Variants in AFF2 observed in about 807,000 individuals in gnomAD.
AFF2 encodes AF4/FMR2 family member 2.
In AFF2, 14 loss-of-function variants were observed where a neutral mutation model predicts 76.9. The ratio of observed to expected loss-of-function variants is 0.18; its 90% CI spans 0.12 to 0.28. The LOEUF (loss-of-function observed/expected upper bound fraction) is 0.28, where lower values mean the gene tolerates loss of function less well. Among genes scored for constraint, AFF2 ranks in the 10% least tolerant of loss-of-function variants. The pLI, the probability that AFF2 is intolerant of heterozygous loss-of-function variation, is 1.00. For synonymous variants in AFF2, 398 were observed against 366.7 expected (o/e 1.09, Z -0.98); for missense variants, 868 against 1,001.1 (o/e 0.87, Z 1.79).
chrX:148,751,849 C>A (rs2055504047), intron 3 of AFF2, among the ~76,000 whole-genome samples: 1 of 112,094 alleles, frequency 8.9e-6, no homozygotes, highest in African/African-American at 3.2e-5. Flanking sequence ...GTTGCTGTAA[C>A]AAAGTACCGT....
At chrX:148,692,408 A>G (rs2054663436) in intron 3 of AFF2, among the ~76,000 whole-genome samples, 1 of 112,178 alleles carries the variant, frequency 8.9e-6, no homozygotes, top group Non-Finnish European at 1.9e-5. Context: ...TTAGGACTGG[A>G]TGTATTGGTC....
intron 4 of AFF2, among the ~76,000 whole-genome samples, chrX:148,825,484 G>A (rs1053808877): frequency 2.4e-4 from 27 of 110,600 alleles, no homozygotes; most frequent in East Asian, 1.7e-3. Context: ...TTCATATTTC[G>A]ACCCTTCACA....
At chrX:148,843,053 C>A (rs2070620130) in intron 6 of AFF2, 51 bp downstream of exon 6, 1 of 1,039,702 alleles carries the variant, frequency 9.6e-7, no homozygotes, top group Admixed American at 2.7e-5. Context: ...GTCCTCTGCT[C>A]CCTCATTTTT....
intron 1 of AFF2, among the ~76,000 whole-genome samples, chrX:148,554,065 G>A (rs1328671963): frequency 8.9e-6 from 1 of 112,089 alleles, no homozygotes; most frequent in Non-Finnish European, 1.9e-5. Context: ...ACTATTTATA[G>A]GCTGTGTCAC....
intron 3 of AFF2, among the ~76,000 whole-genome samples, chrX:148,722,704 A>C: frequency 9.0e-6 from 1 of 111,667 alleles, no homozygotes; most frequent in Non-Finnish European, 1.9e-5. Flanking sequence ...ACATGATGAA[A>C]TTCAAACTCC....
chrX:148,677,466 A>C (rs2054498297), intron 3 of AFF2, among the ~76,000 whole-genome samples: 1 of 112,156 alleles, frequency 8.9e-6, no homozygotes, highest in South Asian at 3.7e-4. Context: ...TTAATGTCTT[A>C]CCTCAGAGAG....
Position 148,978,461 on chromosome X carries a change from G to T in AFF2, c.3570+6G>T, listed in dbSNP as rs781973432. The T allele has an allele frequency of 2.7e-6, 3 of 1,104,558 alleles. No individual in the cohort carries two copies. In the East Asian group the frequency reaches 9.0e-5, roughly 33 times the overall value. The allele number at this position is 1,104,558 out of a possible 1,213,427, so 91.0% of individuals were successfully genotyped here. ...CACTGATGGAATATTTTAAGGTAAT[G>T]CTTATTTTGTATAATTTATAGGTAC... is the stretch of plus-strand genomic sequence containing the variant. On this transcript the variant is annotated splice_donor_region_variant and intron_variant, in intron 18 of 20. Coordinates refer to ENST00000370460, the MANE Select transcript of AFF2 (RefSeq NM_002025.4).
At chrX:148,969,558 T>C (rs2072223755) in intron 15 of AFF2, among the ~76,000 whole-genome samples, 1 of 112,301 alleles carries the variant, frequency 8.9e-6, no homozygotes, top group Non-Finnish European at 1.9e-5. Flanking sequence ...TCACTTATAA[T>C]ATCTAATACA....
intron 3 of AFF2, among the ~76,000 whole-genome samples, chrX:148,793,165 A>C (rs1037689294): frequency 9.6e-6 from 1 of 104,518 alleles, no homozygotes; most frequent in Non-Finnish European, 1.9e-5. Context: ...GATTCTAAGG[A>C]GGAGCTGCAG....
Position 148,907,221 on chromosome X carries a change from C to T in AFF2, c.1397+2963C>T, listed in dbSNP as rs782162213. Among the ~76,000 whole-genome samples the T allele has an allele frequency of 5.8e-4, 65 of 112,258 alleles. 2 individuals carry two copies. The highest frequency in any genetic ancestry group is 1.1e-3 in the South Asian group (3 of 2,688). ...AGAGTAAAGGTTCAATACAAGTTTA[C>T]GGAATGAATAAGTAAACAAATTGGA... On this transcript the variant is annotated intron_variant, in intron 9 of 20. Transcript: ENST00000370460.
intron 9 of AFF2, among the ~76,000 whole-genome samples, chrX:148,936,899 A>G (rs1330619656): frequency 8.9e-6 from 1 of 112,274 alleles, no homozygotes; most frequent in Non-Finnish European, 1.9e-5. Context: ...AAGTCATTGA[A>G]TAAAGTGAGT....
At chrX:148,535,356 A>G (rs782128712) in intron 1 of AFF2, among the ~76,000 whole-genome samples, 13 of 111,896 alleles carry the variant, frequency 1.2e-4, no homozygotes, top group Admixed American at 7.6e-4. Flanking sequence ...TGCATGAGGC[A>G]TACTTATATT....
At chrX:148,581,120 C>CATATGTGTATATGTATATGT (rs2053365533) in intron 1 of AFF2, among the ~76,000 whole-genome samples, 1 of 39,720 alleles carries the variant, frequency 2.5e-5, no homozygotes, top group Admixed American at 3.7e-4. Flanking sequence ...TACGTATACA[C>CATATGTGTATATGTATATGT]ACATATACGT....
chrX:148,722,939 C>A (rs1000758335), intron 3 of AFF2, among the ~76,000 whole-genome samples: 7 of 111,061 alleles, frequency 6.3e-5, no homozygotes, highest in Non-Finnish European at 1.9e-5. Flanking sequence ...TTACCTTCTC[C>A]AGGAAGCCCT....
chrX:148,793,438 G>T (rs1009441727), intron 3 of AFF2, among the ~76,000 whole-genome samples: 2 of 111,552 alleles, frequency 1.8e-5, no homozygotes, highest in Non-Finnish European at 3.8e-5. Context: ...ATTTTTTGAA[G>T]AGATACTATG....
chrX:148,863,883 A>G (rs1451668812), intron 7 of AFF2, among the ~76,000 whole-genome samples: 2 of 111,766 alleles, frequency 1.8e-5, no homozygotes, highest in African/African-American at 3.3e-5. Flanking sequence ...AAGTCAGAAG[A>G]TTCTTATGTT....
intron 1 of AFF2, among the ~76,000 whole-genome samples, chrX:148,566,084 T>C (rs2053166852): frequency 8.9e-6 from 1 of 111,857 alleles, no homozygotes; most frequent in African/African-American, 3.2e-5. Flanking sequence ...CTGTGCCAAA[T>C]AGTTTATGTG....
chrX:148,522,006 AG>A (rs1273603732), intron 1 of AFF2, among the ~76,000 whole-genome samples: 3 of 112,258 alleles, frequency 2.7e-5, no homozygotes, highest in Non-Finnish European at 5.6e-5. Flanking sequence ...CCACAGTGCA[AG>A]CATTTGTCAC....
intron 9 of AFF2, among the ~76,000 whole-genome samples, chrX:148,913,470 T>G (rs190801275): frequency 1.5e-3 from 163 of 112,174 alleles, no homozygotes; most frequent in African/African-American, 5.1e-3. Flanking sequence ...TCTTCAAAAC[T>G]TCAAACACGT....
Sources: allele counts gnomAD v4.1 joint callset (sites outside exome capture counted in the v4.1 genomes callset), GRCh38; gene constraint gnomAD v4.1.1; transcripts MANE v1.5; gene names NCBI Gene and HGNC (gene_info 2026-07-23, HGNC 2026-07-21).